GALNT7: variants seen among roughly 807,000 people sequenced by gnomAD.
GALNT7 encodes N-acetylgalactosaminyltransferase 7.
A neutral mutation model predicts 82.1 loss-of-function variants in GALNT7; 60 were observed. The ratio of observed to expected loss-of-function variants is 0.73; its 90% CI spans 0.59 to 0.91. The LOEUF (loss-of-function observed/expected upper bound fraction) is 0.91, where lower values mean the gene tolerates loss of function less well. GALNT7 is among the 40% of genes least tolerant of loss of function. The probability of loss-of-function intolerance (pLI) is 0.00; values close to 1 mark genes in which losing one functional copy is unlikely to be tolerated. For missense variants in GALNT7, 660 were observed against 804.2 expected, an observed-to-expected ratio of 0.82 and a Z score of 2.17; for synonymous variants, 243 against 275.1, an observed-to-expected ratio of 0.88 and a Z score of 1.15.
At chr4:173,207,534 C>A (rs551912844) in intron 1 of GALNT7, among the ~76,000 whole-genome samples, 2 of 152,264 alleles carry the variant, frequency 1.3e-5, no homozygotes, top group South Asian at 4.1e-4. Flanking sequence ...TAAAATTGTT[C>A]AGCTAATCCT....
intron 1 of GALNT7, among the ~76,000 whole-genome samples, chr4:173,205,532 AT>A (rs1561153412): frequency 6.6e-6 from 1 of 151,922 alleles, no homozygotes; most frequent in African/African-American, 2.4e-5. Flanking sequence ...CTCTAGTGGT[AT>A]GCTTTGATTT....
intron 1 of GALNT7, among the ~76,000 whole-genome samples, chr4:173,238,495 G>A (rs1579942729): frequency 6.6e-6 from 1 of 152,110 alleles, no homozygotes; most frequent in African/African-American, 2.4e-5. Flanking sequence ...CTGTTCAGTG[G>A]CATTCATATG....
chr4:173,233,667 T>C (rs1734115635), intron 1 of GALNT7, among the ~76,000 whole-genome samples: 1 of 152,206 alleles, frequency 6.6e-6, no homozygotes, highest in Admixed American at 6.5e-5. Context: ...TCCTATTACA[T>C]CAGAGGGGTT....
intron 1 of GALNT7, among the ~76,000 whole-genome samples, chr4:173,193,887 A>G (rs1314672289): frequency 6.6e-6 from 1 of 152,228 alleles, no homozygotes; most frequent in African/African-American, 2.4e-5. Context: ...TGATTTTACC[A>G]AAAACTATTG....
intron 2 of GALNT7, among the ~76,000 whole-genome samples, chr4:173,250,206 AG>A: frequency 6.6e-6 from 1 of 152,222 alleles, no homozygotes; most frequent in South Asian, 2.1e-4. Context: ...TGCACACCTG[AG>A]GTATATATCT....
At chr4:173,258,277 A>G (rs978028005) in intron 2 of GALNT7, among the ~76,000 whole-genome samples, 3 of 152,164 alleles carry the variant, frequency 2.0e-5, no homozygotes, top group African/African-American at 7.2e-5. Flanking sequence ...CATATGCCAG[A>G]TGTTGAGGCT....
intron 1 of GALNT7, among the ~76,000 whole-genome samples, chr4:173,234,561 T>C (rs1734150693): frequency 1.3e-5 from 2 of 152,310 alleles, no homozygotes; most frequent in Non-Finnish European, 2.9e-5. Flanking sequence ...ATCACACATA[T>C]CCAATCCATC....
At chr4:173,183,855 G>A (rs1195789871) in intron 1 of GALNT7, among the ~76,000 whole-genome samples, 3 of 150,824 alleles carry the variant, frequency 2.0e-5, no homozygotes, top group Non-Finnish European at 4.4e-5. Context: ...GGCGGCTGCC[G>A]GGCGGAGACG....
intron 1 of GALNT7, among the ~76,000 whole-genome samples, chr4:173,188,665 TC>T (rs898209965): frequency 3.3e-5 from 5 of 152,216 alleles, no homozygotes; most frequent in African/African-American, 1.2e-4. Flanking sequence ...CTGCCTCTGC[TC>T]GCTGAATTCT....
chr4:173,215,632 G>A (rs1733420831), intron 1 of GALNT7, among the ~76,000 whole-genome samples: 1 of 152,192 alleles, frequency 6.6e-6, no homozygotes, highest in Non-Finnish European at 1.5e-5. Context: ...GACCTAGCCT[G>A]ACTTGAGAAG....
At chr4:173,193,879 A>G (rs1430057532) in intron 1 of GALNT7, among the ~76,000 whole-genome samples, 1 of 152,204 alleles carries the variant, frequency 6.6e-6, no homozygotes, top group African/African-American at 2.4e-5. Context: ...AAAATAGATG[A>G]TTTTACCAAA....
intron 1 of GALNT7, among the ~76,000 whole-genome samples, chr4:173,184,555 C>G (rs1732406117): frequency 6.7e-6 from 1 of 150,044 alleles, no homozygotes; most frequent in Non-Finnish European, 1.5e-5. Flanking sequence ...GCAGTACAGT[C>G]CAGCCTCGGC....
chr4:173,212,734 CAT>C (rs33993334), intron 1 of GALNT7, among the ~76,000 whole-genome samples: 103,969 of 151,600 alleles, frequency 0.69, 37,889 homozygotes, highest in East Asian at 0.82. Flanking sequence ...TATTTTGACA[CAT>C]GTCTATTGGA....
chr4:173,187,062 C>G (rs1732483592), intron 1 of GALNT7, among the ~76,000 whole-genome samples: 1 of 152,086 alleles, frequency 6.6e-6, no homozygotes, highest in Non-Finnish European at 1.5e-5. Context: ...GGCCTACTTA[C>G]TTTTAAAATA....
intron 2 of GALNT7, among the ~76,000 whole-genome samples, chr4:173,266,119 G>A (rs1051037462): frequency 6.6e-5 from 10 of 152,262 alleles, no homozygotes; most frequent in African/African-American, 2.2e-4. Flanking sequence ...AATTAGCTGG[G>A]CCTAGTGGCG....
At chr4:173,179,638 G>T (rs1445660482) in intron 1 of GALNT7, among the ~76,000 whole-genome samples, 1 of 152,200 alleles carries the variant, frequency 6.6e-6, no homozygotes, top group African/African-American at 2.4e-5. Context: ...AATTCCTAAT[G>T]TAGTATGAAG....
chr4:173,277,361 A>G (rs982946519), intron 2 of GALNT7, among the ~76,000 whole-genome samples: 6 of 152,224 alleles, frequency 3.9e-5, no homozygotes, highest in Admixed American at 2.0e-4. Context: ...CTCAGAGTTC[A>G]TGAATTCTCA....
chr4:173,284,434 G>A (rs1223612310), intron 2 of GALNT7, among the ~76,000 whole-genome samples: 1 of 152,056 alleles, frequency 6.6e-6, no homozygotes, highest in Non-Finnish European at 1.5e-5. Context: ...TACAATTTTG[G>A]ACATATGTTA....
chr4:173,310,638 A>G (rs1343179067), intron 8 of GALNT7, among the ~76,000 whole-genome samples: 1 of 152,248 alleles, frequency 6.6e-6, no homozygotes, highest in Non-Finnish European at 1.5e-5. Context: ...ACAGTGTACC[A>G]GGCATAAATC....
Sources: allele counts gnomAD v4.1 joint callset (sites outside exome capture counted in the v4.1 genomes callset), GRCh38; gene constraint gnomAD v4.1.1; transcripts MANE v1.5; gene names NCBI Gene and HGNC (gene_info 2026-07-23, HGNC 2026-07-21).